The following UNC5C variants were observed in gnomAD, a reference collection of about 807,000 sequenced individuals.
The protein encoded by UNC5C is unc-5 netrin receptor C.
In UNC5C, 47 loss-of-function variants were observed where a neutral mutation model predicts 99.8. The observed-to-expected ratio is 0.47, with a 90% CI of 0.37 to 0.60. UNC5C has a LOEUF of 0.60. UNC5C is among the 20% of genes least tolerant of loss of function. The probability of loss-of-function intolerance (pLI) is 0.00; values close to 1 mark genes in which losing one functional copy is unlikely to be tolerated. For synonymous variants in UNC5C, 487 were observed against 452.2 expected, an observed-to-expected ratio of 1.08 and a Z score of -0.98; for missense variants, 1,062 against 1,165.9, an observed-to-expected ratio of 0.91 and a Z score of 1.30.
At chr4:95,320,445 AAAAG>A (rs2149412798) in intron 2 of UNC5C, among the ~76,000 whole-genome samples, 1 of 146,738 alleles carries the variant, frequency 6.8e-6, no homozygotes, top group East Asian at 1.9e-4. Context: ...AAAAGAAAAG[AAAAG>A]AAAAGAAAGT....
intron 1 of UNC5C, among the ~76,000 whole-genome samples, chr4:95,352,360 CTGCCGTTT>C (rs1744021561): frequency 6.6e-6 from 1 of 152,138 alleles, no homozygotes; most frequent in Non-Finnish European, 1.5e-5. Context: ...CCTCTTCTCA[CTGCCGTTT>C]AGGTTTCAGC....
intron 10 of UNC5C, 107 bp from the exon 11 acceptor site, chr4:95,206,903 T>A (rs1737898978): frequency 2.4e-4 from 62 of 255,730 alleles, no homozygotes; most frequent in Non-Finnish European, 2.6e-4. Context: ...CCTGGAATTC[T>A]TTTTTTTTTT....
intron 1 of UNC5C, among the ~76,000 whole-genome samples, chr4:95,387,417 G>A (rs1199713889): frequency 6.6e-6 from 1 of 152,148 alleles, no homozygotes; most frequent in African/African-American, 2.4e-5. Flanking sequence ...TGGGATTACA[G>A]GCGTGAGCCA....
At chr4:95,178,713 G>A (rs974333555) in intron 14 of UNC5C, among the ~76,000 whole-genome samples, 27 of 152,192 alleles carry the variant, frequency 1.8e-4, no homozygotes, top group Non-Finnish European at 3.8e-4. Flanking sequence ...AAGATAGATA[G>A]GCATGGATCT....
At chr4:95,331,062 C>G (rs1242588076) in intron 2 of UNC5C, among the ~76,000 whole-genome samples, 5 of 152,052 alleles carry the variant, frequency 3.3e-5, no homozygotes, top group African/African-American at 1.2e-4. Context: ...GAATATGTGG[C>G]ATTTATTAAT....
At chr4:95,522,101 T>C (rs1419288932) in intron 1 of UNC5C, among the ~76,000 whole-genome samples, 2 of 152,120 alleles carry the variant, frequency 1.3e-5, no homozygotes, top group Non-Finnish European at 2.9e-5. Context: ...CATCTACAAA[T>C]AAGTCCCTGG....
At chr4:95,262,227 C>T (rs1284449371) in intron 4 of UNC5C, among the ~76,000 whole-genome samples, 1 of 152,070 alleles carries the variant, frequency 6.6e-6, no homozygotes, top group East Asian at 1.9e-4. Flanking sequence ...GGTTTAAATT[C>T]TTTGCTTTCA....
chr4:95,474,099 T>G (rs1748057080), intron 1 of UNC5C, among the ~76,000 whole-genome samples: 1 of 152,108 alleles, frequency 6.6e-6, no homozygotes, highest in Non-Finnish European at 1.5e-5. Flanking sequence ...ACTTGATATT[T>G]TCCTTTCATT....
chr4:95,333,142 C>G (rs1317719738), intron 2 of UNC5C, among the ~76,000 whole-genome samples: 2 of 152,124 alleles, frequency 1.3e-5, no homozygotes, highest in African/African-American at 4.8e-5. Context: ...ACTAGTTCAA[C>G]CATTGCGGAA....
At chr4:95,499,413 A>G (rs2149483913) in intron 1 of UNC5C, among the ~76,000 whole-genome samples, 1 of 152,186 alleles carries the variant, frequency 6.6e-6, no homozygotes, top group South Asian at 2.1e-4. Flanking sequence ...ATTCTCAGGT[A>G]TTGCTTCTAT....
chr4:95,172,941 G>A (rs1221401611), intron 14 of UNC5C, among the ~76,000 whole-genome samples: 1 of 152,040 alleles, frequency 6.6e-6, no homozygotes, highest in Non-Finnish European at 1.5e-5. Flanking sequence ...AGTTCTCCTT[G>A]AAGAGGTCCT....
At chr4:95,264,329 A>G (rs1421469592) in intron 4 of UNC5C, among the ~76,000 whole-genome samples, 1 of 152,140 alleles carries the variant, frequency 6.6e-6, no homozygotes, top group Non-Finnish European at 1.5e-5. Flanking sequence ...GAAATCTTGC[A>G]CTCAGAAATT....
intron 1 of UNC5C, among the ~76,000 whole-genome samples, chr4:95,365,875 T>C (rs1030790661): frequency 1.3e-5 from 2 of 152,138 alleles, no homozygotes; most frequent in South Asian, 2.1e-4. Flanking sequence ...AGGGTTTAGC[T>C]GCTATGTAAA....
At chr4:95,231,388 A>T (rs1738906703) in intron 7 of UNC5C, among the ~76,000 whole-genome samples, 1 of 152,186 alleles carries the variant, frequency 6.6e-6, no homozygotes, top group Non-Finnish European at 1.5e-5. Context: ...ATATGACATA[A>T]TGTCATTTAT....
At chr4:95,238,489 A>C (rs1739208106) in intron 7 of UNC5C, among the ~76,000 whole-genome samples, 1 of 152,118 alleles carries the variant, frequency 6.6e-6, no homozygotes, top group African/African-American at 2.4e-5. Flanking sequence ...TTCCATGTTA[A>C]TATTGTCTAC....
At chr4:95,358,768 T>C (rs1229675017) in intron 1 of UNC5C, among the ~76,000 whole-genome samples, 4 of 152,202 alleles carry the variant, frequency 2.6e-5, no homozygotes, top group Admixed American at 6.5e-5. Flanking sequence ...GCATTCTTTG[T>C]CACTTTAGCC....
At chr4:95,482,326 T>C (rs537435820) in intron 1 of UNC5C, among the ~76,000 whole-genome samples, 18 of 152,112 alleles carry the variant, frequency 1.2e-4, no homozygotes, top group Admixed American at 5.9e-4. Context: ...CTCACACCAG[T>C]TAGAATGGCA....
At chr4:95,366,227 T>C (rs1011835396) in intron 1 of UNC5C, among the ~76,000 whole-genome samples, 1 of 152,036 alleles carries the variant, frequency 6.6e-6, no homozygotes, top group Non-Finnish European at 1.5e-5. Context: ...TACTCAGGAG[T>C]CTGAGGTGGG....
chr4:95,338,928 C>A (rs148791855), intron 1 of UNC5C, among the ~76,000 whole-genome samples: 113 of 152,086 alleles, frequency 7.4e-4, no homozygotes, highest in African/African-American at 2.6e-3. Context: ...ATTAAGAATT[C>A]TGAGATTGTG....
Sources: allele counts gnomAD v4.1 joint callset (sites outside exome capture counted in the v4.1 genomes callset), GRCh38; gene constraint gnomAD v4.1.1; transcripts MANE v1.5; gene names NCBI Gene and HGNC (gene_info 2026-07-23, HGNC 2026-07-21).